The following TECR variants were observed in gnomAD, a reference collection of about 807,000 sequenced individuals.
TECR encodes trans-2,3-enoyl-CoA reductase, also known as very-long-chain enoyl-CoA reductase.
A neutral mutation model predicts 50.6 loss-of-function variants in TECR; 19 were observed. The observed-to-expected ratio is 0.38, with a 90% CI of 0.26 to 0.55. The LOEUF is 0.55. Ranked by LOEUF, TECR falls within the 20% of genes least tolerant of loss-of-function variation. TECR has a pLI of 0.79. For missense variants in TECR, 313 were observed against 408.3 expected, an observed-to-expected ratio of 0.77 and a Z score of 2.01; for synonymous variants, 168 against 163.5, an observed-to-expected ratio of 1.03 and a Z score of -0.21.
intron 1 of TECR, among the ~76,000 whole-genome samples, chr19:14,554,016 C>G (rs1275089207): frequency 6.6e-6 from 1 of 152,176 alleles, no homozygotes; most frequent in Non-Finnish European, 1.5e-5. Context: ...GAGAGCCTGC[C>G]GGAGCTTTGA....
In TECR at chr19:14,544,979, G is replaced by A. The variant is rs77117646; in HGVS notation, c.15+15268G>A. On this transcript the variant is annotated intron_variant, in intron 1 of 12. Coordinates refer to ENST00000215567, the MANE Select transcript of TECR (RefSeq NM_138501.6). ...GACACATCAGAATCTAGGAACTGCG[G>A]TGTCCTTTTCACTCCTTCCCTTCTC... 1.7e-3 allele frequency: 704 copies of A among 408,754 alleles called. 6 individuals carry two copies. Among genetic ancestry groups the A allele is most frequent in the African/African-American group, 0.013 (649 of 48,686 alleles). 25.3% of individuals were successfully genotyped at this position (408,754 alleles called of 1,614,324 possible).
chr19:14,529,424 GT>G, upstream of TECR: 1 of 610,180 alleles, frequency 1.6e-6, no homozygotes, highest in South Asian at 1.8e-5. Flanking sequence ...TCCTACAGGC[GT>G]TCCGCCCCCT....
rs772031577 is a variant in TECR at position 14,563,188 on chromosome 19, C to T, written c.67-18C>T. On this transcript the variant is annotated intron_variant, in intron 2 of 12. Transcript: ENST00000215567. This position sits in a 1 kb window ranked among gnomAD's most constrained non-coding sequence, Gnocchi z 5.3. ...GCTCCCCGCAGAGCTGACGTCCCTG[C>T]GCCTGTGCTTCCCCCAGGTGGAGCC... 24 of 1,613,862 alleles carry T rather than the reference C, an allele frequency of 1.5e-5. No homozygotes were observed. Among genetic ancestry groups the T allele is most frequent in the South Asian group, 3.3e-5 (3 of 91,084 alleles).
intron 1 of TECR, among the ~76,000 whole-genome samples, chr19:14,541,619 C>T (rs537528538): frequency 2.0e-5 from 3 of 152,096 alleles, no homozygotes; most frequent in Admixed American, 1.3e-4. Context: ...GCCTGAAGGT[C>T]GAGGTCTTTG....
rs747348455 is a variant in TECR at position 14,535,543 on chromosome 19, AATAT to A, written c.15+5875_15+5878del. Reference sequence around the variant, plus strand: ...AAAAAAAAAAAAAAAAAAAAAAAAAAATATATATATATATATATATATATATATA... The same window carrying A: ...AAAAAAAAAAAAAAAAAAAAAAAAAAATATATATATATATATATATATATA... On this transcript the variant is annotated intron_variant, in intron 1 of 12. Coordinates refer to ENST00000215567, the MANE Select transcript of TECR (RefSeq NM_138501.6). 8.6e-3 allele frequency among the ~76,000 whole-genome samples: 281 copies of A among 32,664 alleles called. 3 individuals are homozygous for A. The highest frequency in any genetic ancestry group is 0.021 in the Middle Eastern group (1 of 48). 21.4% of individuals were successfully genotyped at this position (32,664 alleles called of 152,430 possible). A position where few individuals can be genotyped will look rare whatever the true frequency, so the allele number is the denominator to read the frequency against.
At chr19:14,558,126 G>A (rs1342832589) in intron 1 of TECR, among the ~76,000 whole-genome samples, 1 of 152,190 alleles carries the variant, frequency 6.6e-6, no homozygotes, top group African/African-American at 2.4e-5. Flanking sequence ...GGCAGCTGGG[G>A]ACAGCCCACT....
chr19:14,555,438 CTTTT>C (rs747503834), intron 1 of TECR, among the ~76,000 whole-genome samples: 2 of 92,900 alleles, frequency 2.2e-5, no homozygotes, highest in South Asian at 3.6e-4. Context: ...TTTATTTATT[CTTTT>C]TTTTTTTTTT....
At chr19:14,529,427 C>T (rs1400052331), upstream of TECR, 5 of 612,210 alleles carry the variant, frequency 8.2e-6, no homozygotes, top group Admixed American at 7.7e-5. Context: ...TACAGGCGTT[C>T]CGCCCCCTTC....
At chr19:14,548,713 G>T (rs2146595384) in intron 1 of TECR, among the ~76,000 whole-genome samples, 1 of 152,228 alleles carries the variant, frequency 6.6e-6, no homozygotes. Context: ...AAGTAGCTGG[G>T]ATTACAGGCA....
intron 1 of TECR, among the ~76,000 whole-genome samples, chr19:14,535,952 C>T (rs1045076152): frequency 6.6e-6 from 1 of 151,764 alleles, no homozygotes; most frequent in African/African-American, 2.4e-5. Flanking sequence ...TGGTGGAGTC[C>T]CTTCTGTCCT....
intron 1 of TECR, among the ~76,000 whole-genome samples, chr19:14,540,455 C>T (rs1599430111): frequency 6.6e-6 from 1 of 150,826 alleles, no homozygotes; most frequent in African/African-American, 2.4e-5. Flanking sequence ...TGCAGTGGTG[C>T]GATCTTGGCT....
chr19:14,535,905 G>C (rs1271584386), intron 1 of TECR, among the ~76,000 whole-genome samples: 1 of 151,944 alleles, frequency 6.6e-6, no homozygotes, highest in Non-Finnish European at 1.5e-5. Context: ...CAGGCTTCTT[G>C]CTTTGAGCAG....
intron 1 of TECR, among the ~76,000 whole-genome samples, chr19:14,539,394 A>G (rs2073020325): frequency 6.6e-6 from 1 of 152,012 alleles, no homozygotes. Flanking sequence ...CTGTTGTGAC[A>G]AAGAATCATC....
chr19:14,530,313 C>G (rs889530812), intron 1 of TECR: 13 of 156,402 alleles, frequency 8.3e-5, no homozygotes, highest in African/African-American at 3.1e-4. Context: ...TACCCACCCA[C>G]AGCCACTCTT....
At chr19:14,533,757 C>T (rs2072759650) in intron 1 of TECR, among the ~76,000 whole-genome samples, 1 of 150,694 alleles carries the variant, frequency 6.6e-6, no homozygotes, top group African/African-American at 2.4e-5. Context: ...GAGGTGAAGC[C>T]TCTCTCTAGA....
At chr19:14,541,221 C>T (rs1422173691) in intron 1 of TECR, among the ~76,000 whole-genome samples, 2 of 152,184 alleles carry the variant, frequency 1.3e-5, no homozygotes, top group Admixed American at 6.5e-5. Context: ...CAAGTGATCT[C>T]CTGCCTCAGC....
intron 1 of TECR, among the ~76,000 whole-genome samples, chr19:14,551,923 C>G (rs2073525175): frequency 1.5e-5 from 2 of 131,628 alleles, no homozygotes; most frequent in Non-Finnish European, 3.3e-5. Context: ...CCCTCCCTCC[C>G]TCCCTCTCTC....
intron 1 of TECR, among the ~76,000 whole-genome samples, chr19:14,558,479 C>T (rs181682790): frequency 1.3e-5 from 2 of 152,300 alleles, no homozygotes; most frequent in East Asian, 1.9e-4. Context: ...CCTCGTGCTG[C>T]GACGAGTTGC....
At chr19:14,535,534 A>AT (rs2072843294) in intron 1 of TECR, among the ~76,000 whole-genome samples, 1 of 61,882 alleles carries the variant, frequency 1.6e-5, no homozygotes, top group African/African-American at 8.1e-5. Flanking sequence ...AAAAAAAAAA[A>AT]AAAAAAAAAA....
Sources: allele counts gnomAD v4.1 joint callset (sites outside exome capture counted in the v4.1 genomes callset), GRCh38; gene constraint gnomAD v4.1.1; non-coding constraint Gnocchi (gnomAD v3.1); transcripts MANE v1.5; gene names NCBI Gene and HGNC (gene_info 2026-07-23, HGNC 2026-07-21).